CMTM8: variants seen among roughly 807,000 people sequenced by gnomAD.
CMTM8 encodes the protein CKLF-like MARVEL transmembrane domain-containing protein 8.
CMTM8 carries 12 observed loss-of-function variants against 18.6 expected under a neutral mutation model. The ratio of observed to expected loss-of-function variants is 0.65; its 90% confidence interval spans 0.41 to 1.05. CMTM8 has a LOEUF of 1.05. Ranked by LOEUF, CMTM8 falls within the 50% of genes least tolerant of loss-of-function variation. The pLI, the probability that CMTM8 is intolerant of heterozygous loss-of-function variation, is 0.00. For missense variants in CMTM8, 217 were observed against 227.2 expected (o/e 0.95, Z 0.29); for synonymous variants, 87 against 90.6 (o/e 0.96, Z 0.23).
chr3:32,260,758 T>A (rs1474535126), intron 1 of CMTM8, among the ~76,000 whole-genome samples: 2 of 152,114 alleles, frequency 1.3e-5, no homozygotes, highest in African/African-American at 2.4e-5. Context: ...AGCTGGTGCC[T>A]CCTTTCCTTT....
At chr3:32,339,063 A>G (rs1696443545) in intron 1 of CMTM8, among the ~76,000 whole-genome samples, 1 of 152,200 alleles carries the variant, frequency 6.6e-6, no homozygotes, top group Non-Finnish European at 1.5e-5. Context: ...TCTCCTTTTT[A>G]TGACACAGCC....
intron 1 of CMTM8, among the ~76,000 whole-genome samples, chr3:32,290,996 C>T (rs1702770043): frequency 6.6e-6 from 1 of 152,158 alleles, no homozygotes; most frequent in Non-Finnish European, 1.5e-5. Flanking sequence ...GATCCACCCA[C>T]CTCAGCCTCC....
chr3:32,267,133 G>T (rs887902319), intron 1 of CMTM8, among the ~76,000 whole-genome samples: 1 of 152,062 alleles, frequency 6.6e-6, no homozygotes, highest in Non-Finnish European at 1.5e-5. Flanking sequence ...AAAGGAGCCC[G>T]CATCGCCAAG....
chr3:32,362,046 C>CTT (rs60064096), intron 2 of CMTM8, among the ~76,000 whole-genome samples: 1 of 92,072 alleles, frequency 1.1e-5, no homozygotes, highest in Middle Eastern at 8.2e-3. Flanking sequence ...ATTTTCTTTT[C>CTT]TTTTTTTTTT....
intron 1 of CMTM8, among the ~76,000 whole-genome samples, chr3:32,276,092 C>T (rs926815870): frequency 6.6e-6 from 1 of 152,126 alleles, no homozygotes; most frequent in Non-Finnish European, 1.5e-5. Context: ...AGATGTTGAC[C>T]AATGACGGGT....
intron 3 of CMTM8, 45 bp downstream of exon 3, chr3:32,368,033 A>C: frequency 7.5e-7 from 1 of 1,335,476 alleles, no homozygotes; most frequent in Non-Finnish European, 1.1e-6. Context: ...TTCCCTCTCC[A>C]AGGCTTGCTT....
intron 3 of CMTM8, 64 bp from the exon 4 acceptor site, chr3:32,369,820 T>C (rs1695613719): frequency 1.9e-6 from 2 of 1,050,630 alleles, no homozygotes; most frequent in Non-Finnish European, 2.9e-6. Context: ...GGAGGTGAAA[T>C]GATAACTTTT....
chr3:32,367,127 A>T (rs973830751), intron 2 of CMTM8, among the ~76,000 whole-genome samples: 3 of 152,056 alleles, frequency 2.0e-5, no homozygotes, highest in Non-Finnish European at 4.4e-5. Flanking sequence ...CTTCCTCCCC[A>T]GTTGGTTTCT....
intron 1 of CMTM8, among the ~76,000 whole-genome samples, chr3:32,317,259 C>T (rs562728724): frequency 1.3e-5 from 2 of 152,126 alleles, no homozygotes; most frequent in East Asian, 1.9e-4. Flanking sequence ...AGGGACTTCT[C>T]AGTAAATGTT....
chr3:32,288,081 G>C (rs1351711037), intron 1 of CMTM8, among the ~76,000 whole-genome samples: 1 of 152,180 alleles, frequency 6.6e-6, no homozygotes, highest in Admixed American at 6.5e-5. Context: ...TCACTTTCCA[G>C]ATATCAAATA....
intron 1 of CMTM8, among the ~76,000 whole-genome samples, chr3:32,249,030 CTTTTTTTTTTTTTT>C (rs58156524): frequency 3.2e-5 from 2 of 62,462 alleles, no homozygotes; most frequent in Non-Finnish European, 2.7e-5. Context: ...AATGTGGAAT[CTTTTTTTTTTTTTT>C]TTTTTTTTTT....
chr3:32,283,403 C>G (rs993583226), intron 1 of CMTM8, among the ~76,000 whole-genome samples: 1 of 152,194 alleles, frequency 6.6e-6, no homozygotes, highest in Non-Finnish European at 1.5e-5. Flanking sequence ...TCAGACTGAG[C>G]GCTTGCTATC....
chr3:32,318,847 A>G (rs907032671), intron 1 of CMTM8, among the ~76,000 whole-genome samples: 3 of 151,058 alleles, frequency 2.0e-5, no homozygotes, highest in Admixed American at 6.6e-5. Context: ...GATTACAGGC[A>G]TGAGCCACCG....
intron 1 of CMTM8, among the ~76,000 whole-genome samples, chr3:32,327,443 T>C (rs971561864): frequency 6.6e-6 from 1 of 152,254 alleles, no homozygotes; most frequent in Non-Finnish European, 1.5e-5. Flanking sequence ...TACAACTCAA[T>C]AATTCATCAT....
chr3:32,304,955 T>TC (rs1228060574), intron 1 of CMTM8, among the ~76,000 whole-genome samples: 1 of 152,204 alleles, frequency 6.6e-6, no homozygotes, highest in African/African-American at 2.4e-5. Context: ...ATTTAATCTT[T>TC]CCCCATAGGG....
chr3:32,268,977 G>A (rs1702393904), intron 1 of CMTM8, among the ~76,000 whole-genome samples: 1 of 152,144 alleles, frequency 6.6e-6, no homozygotes. Flanking sequence ...GCTTCAGGTA[G>A]GACAGAAATC....
chr3:32,331,120 A>G (rs1266324171), intron 1 of CMTM8, among the ~76,000 whole-genome samples: 1 of 152,250 alleles, frequency 6.6e-6, no homozygotes, highest in African/African-American at 2.4e-5. Context: ...ACTCAACAAC[A>G]ACAACAATAA....
chr3:32,328,370 C>CAAAAAAAAAAAAA (rs796201249), intron 1 of CMTM8, among the ~76,000 whole-genome samples: 12 of 74,782 alleles, frequency 1.6e-4, no homozygotes, highest in African/African-American at 7.4e-4. Context: ...ACCCTGTCTC[C>CAAAAAAAAAAAAA]AAAAAAAAAA....
intron 1 of CMTM8, among the ~76,000 whole-genome samples, chr3:32,357,105 A>G (rs565270239): frequency 7.2e-5 from 11 of 152,242 alleles, no homozygotes; most frequent in Admixed American, 4.6e-4. Flanking sequence ...TTAGCCAGGC[A>G]TGGTGCTGCA....
Sources: gnomAD v4.1 joint callset for allele counts (sites outside exome capture counted in the v4.1 genomes callset) on GRCh38, gnomAD v4.1.1 for gene constraint, MANE v1.5 for transcripts, NCBI Gene and HGNC (gene_info 2026-07-23, HGNC 2026-07-21) for gene names.